SAMD12: variants seen among roughly 807,000 people sequenced by gnomAD.
SAMD12 encodes sterile alpha motif domain-containing protein 12.
In SAMD12, 9 loss-of-function variants were observed where a neutral mutation model predicts 15.0. That is an observed-to-expected ratio of 0.60 (90% CI 0.36 to 1.05). The LOEUF is 1.05. SAMD12 is among the 50% of genes least tolerant of loss of function. SAMD12 has a pLI of 0.01. For synonymous variants in SAMD12, 86 were observed against 90.1 expected (o/e 0.96, Z 0.25); for missense variants, 230 against 234.2 (o/e 0.98, Z 0.12).
chr8:118,475,404 C>T (rs1311632437), intron 2 of SAMD12, among the ~76,000 whole-genome samples: 1 of 152,170 alleles, frequency 6.6e-6, no homozygotes, highest in Non-Finnish European at 1.5e-5. Context: ...GCCATCCTTC[C>T]TGTGCAGCCT....
chr8:118,282,628 C>G (rs1813707252), intron 4 of SAMD12, among the ~76,000 whole-genome samples: 1 of 152,008 alleles, frequency 6.6e-6, no homozygotes, highest in Non-Finnish European at 1.5e-5. Flanking sequence ...TGAAAATGAA[C>G]CTCAAATGTG....
intron 4 of SAMD12, among the ~76,000 whole-genome samples, chr8:118,234,586 C>T (rs1182028156): frequency 6.6e-6 from 1 of 151,530 alleles, no homozygotes; most frequent in East Asian, 1.9e-4. Context: ...TGGCAGGTGG[C>T]TATAGTCCCA....
At chr8:118,319,648 G>A (rs927128410) in intron 4 of SAMD12, among the ~76,000 whole-genome samples, 1 of 152,148 alleles carries the variant, frequency 6.6e-6, no homozygotes, top group Non-Finnish European at 1.5e-5. Context: ...TTTCAGGCCA[G>A]ATAAGACTCC....
chr8:118,403,953 T>C (rs76891941), intron 3 of SAMD12, among the ~76,000 whole-genome samples: 1 of 152,164 alleles, frequency 6.6e-6, no homozygotes, highest in Non-Finnish European at 1.5e-5. Flanking sequence ...AGTCTCAGTG[T>C]CATGTGTTTT....
downstream of SAMD12, among the ~76,000 whole-genome samples, chr8:118,376,053 G>A (rs34084306): frequency 0.04 from 6,154 of 152,140 alleles, 183 homozygotes; most frequent in Non-Finnish European, 0.063. Flanking sequence ...CAATGCCTGG[G>A]TGTACCATTA....
intron 2 of SAMD12, among the ~76,000 whole-genome samples, chr8:118,531,683 G>T (rs1247171893): frequency 6.6e-6 from 1 of 152,116 alleles, no homozygotes; most frequent in Non-Finnish European, 1.5e-5. Context: ...TATTCTCTTT[G>T]AAGCAATTGT....
At chr8:118,511,885 T>G (rs1643821572) in intron 2 of SAMD12, among the ~76,000 whole-genome samples, 1 of 152,316 alleles carries the variant, frequency 6.6e-6, no homozygotes. Context: ...GCCAGCCTTT[T>G]GCAAACACTT....
chr8:118,373,654 G>A (rs762939009), downstream of SAMD12, among the ~76,000 whole-genome samples: 2 of 152,068 alleles, frequency 1.3e-5, no homozygotes, highest in Non-Finnish European at 2.9e-5. Context: ...GCTATAACTG[G>A]CCCTGGTAAA....
intron 4 of SAMD12, among the ~76,000 whole-genome samples, chr8:118,333,612 G>A (rs893512834): frequency 6.6e-6 from 1 of 151,542 alleles, no homozygotes; most frequent in African/African-American, 2.4e-5. Context: ...TTTCAGGACA[G>A]ATCAAGGGAG....
chr8:118,244,597 T>C (rs1005685906), intron 4 of SAMD12, among the ~76,000 whole-genome samples: 1 of 152,122 alleles, frequency 6.6e-6, no homozygotes, highest in African/African-American at 2.4e-5. Context: ...GAAATACATA[T>C]GTTGTTAATA....
intron 2 of SAMD12, among the ~76,000 whole-genome samples, chr8:118,463,794 G>GT (rs1823506270): frequency 6.6e-6 from 1 of 151,946 alleles, no homozygotes. Context: ...GCTTCAGCTG[G>GT]GGGGGATCAG....
At chr8:118,255,979 A>G (rs1812931115) in intron 4 of SAMD12, among the ~76,000 whole-genome samples, 2 of 152,098 alleles carry the variant, frequency 1.3e-5, no homozygotes, top group South Asian at 2.1e-4. Flanking sequence ...CAACAGTGTA[A>G]AAGTGTTCCT....
rs572852181 is a variant in SAMD12, at chr8:118,265,638, C to T, written c.434-67906G>A. Among the ~76,000 whole-genome samples, 3 of 151,494 alleles carry T rather than the reference C, an allele frequency of 2.0e-5. No individual in the cohort carries two copies. In the East Asian group the frequency reaches 5.8e-4, roughly 29 times the overall value. On this transcript the variant is annotated intron_variant, in intron 4 of 4. Transcript: ENST00000409003. ...GGAACTAGATTCCCTCTCTTTGGAT[C>T]ATTCAGTCATTTATTTCAACACTAA... is the stretch of plus-strand genomic sequence containing the variant.
intron 2 of SAMD12, among the ~76,000 whole-genome samples, chr8:118,447,654 C>T (rs2130907143): frequency 6.6e-6 from 1 of 151,362 alleles, no homozygotes; most frequent in South Asian, 2.1e-4. Flanking sequence ...ATCTAGCTAC[C>T]CAGCTCTTTG....
At chr8:118,333,272 C>A (rs549794973) in intron 4 of SAMD12, among the ~76,000 whole-genome samples, 1 of 152,040 alleles carries the variant, frequency 6.6e-6, no homozygotes, top group African/African-American at 2.4e-5. Flanking sequence ...GATTTTTATG[C>A]GACAAAATAA....
chr8:118,439,658 T>C (rs1822674031), intron 3 of SAMD12, among the ~76,000 whole-genome samples, 174 bp downstream of exon 3: 1 of 152,162 alleles, frequency 6.6e-6, no homozygotes, highest in Non-Finnish European at 1.5e-5. Flanking sequence ...TAACCATGTA[T>C]GTTTGTTAAA....
intron 4 of SAMD12, among the ~76,000 whole-genome samples, chr8:118,245,698 A>G (rs1812673597): frequency 6.6e-6 from 1 of 152,138 alleles, no homozygotes; most frequent in African/African-American, 2.4e-5. Context: ...GGAATATTTA[A>G]TAAAAAGGGA....
At chr8:118,277,690 T>C (rs1419928318) in intron 4 of SAMD12, among the ~76,000 whole-genome samples, 1 of 152,160 alleles carries the variant, frequency 6.6e-6, no homozygotes, top group Admixed American at 6.5e-5. Flanking sequence ...ATTATGTATA[T>C]AGTTTTCATA....
At chr8:118,391,541 A>G (rs1455574141) in intron 3 of SAMD12, among the ~76,000 whole-genome samples, 4 of 152,208 alleles carry the variant, frequency 2.6e-5, no homozygotes, top group Non-Finnish European at 4.4e-5. Flanking sequence ...ACACATAAGG[A>G]CAATGTTCAC....
Sources: gnomAD v4.1 joint callset for allele counts (sites outside exome capture counted in the v4.1 genomes callset) on GRCh38, gnomAD v4.1.1 for gene constraint, MANE v1.5 for transcripts, NCBI Gene and HGNC (gene_info 2026-07-23, HGNC 2026-07-21) for gene names.